CDK5RAP1: variants seen among roughly 807,000 people sequenced by gnomAD.
CDK5RAP1 encodes the protein mitochondrial tRNA methylthiotransferase CDK5RAP1.
In CDK5RAP1, 62 loss-of-function variants were observed where a neutral mutation model predicts 64.5. That is an observed-to-expected ratio of 0.96 (90% CI 0.78 to 1.19). CDK5RAP1 has a LOEUF of 1.19. Ranked by LOEUF, CDK5RAP1 falls within the 50% of genes most tolerant of loss-of-function variation. The pLI is 0.00. For missense variants in CDK5RAP1, 657 were observed against 735.0 expected (o/e 0.89, Z 1.23); for synonymous variants, 250 against 261.9 (o/e 0.95, Z 0.44).
chr20:33,397,217 C>A, intron 1 of CDK5RAP1, 133 bp from the exon 2 acceptor site: 1 of 605,596 alleles, frequency 1.7e-6, no homozygotes, highest in Admixed American at 3.6e-5. Context: ...AATAATATGA[C>A]CTCTGTTTTA....
intron 11 of CDK5RAP1, among the ~76,000 whole-genome samples, chr20:33,370,081 A>G (rs1984724256): frequency 6.6e-6 from 1 of 152,168 alleles, no homozygotes; most frequent in Admixed American, 6.5e-5. Context: ...AAGTGAGTTC[A>G]CTTGCCTAGG....
chr20:33,390,679 G>T (rs749349879), intron 5 of CDK5RAP1, among the ~76,000 whole-genome samples: 1 of 151,982 alleles, frequency 6.6e-6, no homozygotes, highest in African/African-American at 2.4e-5. Flanking sequence ...ATTCTTATTA[G>T]ATATACACCC....
chr20:33,361,973 A>AAGG (rs1264803159), intron 12 of CDK5RAP1, among the ~76,000 whole-genome samples: 17 of 149,160 alleles, frequency 1.1e-4, no homozygotes, highest in African/African-American at 4.1e-4. Context: ...AAAAAAAAAA[A>AAGG]AAGGAAGGAA....
chr20:33,373,704 A>C (rs1225022870), intron 9 of CDK5RAP1: 1 of 163,466 alleles, frequency 6.1e-6, no homozygotes, highest in East Asian at 1.8e-4. Flanking sequence ...AACATTAAAA[A>C]ATTAAAATCT....
At chr20:33,388,752 G>A (rs985212278) in intron 5 of CDK5RAP1, among the ~76,000 whole-genome samples, 1 of 151,998 alleles carries the variant, frequency 6.6e-6, no homozygotes, top group African/African-American at 2.4e-5. Flanking sequence ...AACCTGCCGA[G>A]TGCCTGCGAT....
chr20:33,364,682 CT>C (rs1195344656), intron 12 of CDK5RAP1, among the ~76,000 whole-genome samples: 11 of 152,010 alleles, frequency 7.2e-5, no homozygotes, highest in Non-Finnish European at 2.9e-5. Flanking sequence ...TCAAGCCATT[CT>C]CTTGCCTCAG....
At position 33,379,711 on chromosome 20, in the gene CDK5RAP1, T is replaced by C. The variant is rs747644986; in HGVS notation, c.877-20A>G. ...CAGCCCCTAAACATGGGAAAATATA[T>C]TGGAATTTTAAAACTTTTGGGTAGC... On this transcript the variant is annotated intron_variant, in intron 7 of 13. Transcript: ENST00000346416. The C allele has an allele frequency of 1.3e-6, 2 of 1,566,130 alleles. No individual in the cohort carries two copies. Among genetic ancestry groups the C allele is most frequent in the African/African-American group, 2.7e-5 (2 of 73,628 alleles).
chr20:33,397,979 G>A (rs1385963271), intron 1 of CDK5RAP1, among the ~76,000 whole-genome samples: 1 of 151,606 alleles, frequency 6.6e-6, no homozygotes, highest in Non-Finnish European at 1.5e-5. Flanking sequence ...ACAACAGAGC[G>A]AAACTCCATC....
intron 12 of CDK5RAP1, among the ~76,000 whole-genome samples, chr20:33,363,518 G>T (rs144979610): frequency 0.021 from 3,266 of 152,224 alleles, 229 homozygotes; most frequent in Admixed American, 0.14. Context: ...ACTCTGAAAT[G>T]ATTCAAGGGG....
intron 1 of CDK5RAP1, among the ~76,000 whole-genome samples, chr20:33,399,011 A>G (rs1429267633): frequency 3.3e-5 from 5 of 152,150 alleles, no homozygotes; most frequent in Admixed American, 6.6e-5. Context: ...CCTACATTAT[A>G]CTACTGTTGA....
intron 8 of CDK5RAP1, among the ~76,000 whole-genome samples, chr20:33,375,415 A>AG (rs988456769): frequency 5.4e-5 from 8 of 149,184 alleles, no homozygotes; most frequent in African/African-American, 2.0e-4. Context: ...AAAAAAAAAA[A>AG]AAGAAAAAGA....
intron 7 of CDK5RAP1, among the ~76,000 whole-genome samples, chr20:33,382,380 T>C (rs1986863987): frequency 6.6e-6 from 1 of 152,296 alleles, no homozygotes; most frequent in East Asian, 1.9e-4. Flanking sequence ...GAAGAACTAA[T>C]GGTATTAAAA....
At chr20:33,397,314 C>G (rs769735975) in intron 1 of CDK5RAP1, among the ~76,000 whole-genome samples, 2 of 152,186 alleles carry the variant, frequency 1.3e-5, no homozygotes, top group Non-Finnish European at 2.9e-5. Flanking sequence ...CTTTTCAAAA[C>G]AAGGGGTGGT....
rs750487441 is a variant in CDK5RAP1 at position 33,366,879 on chromosome 20, G to C, written c.1522C>G (p.Gln508Glu). The part of the protein sequence containing the change: ...KANQTSVGCT[Q>E]LVLVEGLSKR... ...CTCACCCCTTCCACTAGCACCAACT[G>C]GGTACAGCCCACAGAGGTCTGATTG... is the stretch of plus-strand genomic sequence containing the variant. Residue 508 changes from glutamine to glutamate, a missense_variant, in exon 12 of 14, where the codon CAG becomes GAG. Gln to Glu is a conservative substitution (Grantham distance 29, BLOSUM62 2). Coordinates refer to ENST00000346416, the MANE Select transcript of CDK5RAP1 (RefSeq NM_016408.4). 5 of 1,613,746 alleles carry C rather than the reference G, an allele frequency of 3.1e-6. No individual in the cohort carries two copies. Among genetic ancestry groups the C allele is most frequent in the Non-Finnish European group, 4.2e-6 (5 of 1,179,888 alleles).
At chr20:33,387,285 G>T in intron 6 of CDK5RAP1, 38 bp downstream of exon 6, 39 of 1,393,554 alleles carry the variant, frequency 2.8e-5, no homozygotes, top group Non-Finnish European at 3.5e-5. Flanking sequence ...GTGAAAGGAG[G>T]AAGAGGCTTA....
chr20:33,387,556 C>T (rs1326497572), intron 5 of CDK5RAP1, 23 bp from the exon 6 acceptor site: 62 of 1,587,194 alleles, frequency 3.9e-5, no homozygotes, highest in Non-Finnish European at 5.4e-5. Flanking sequence ...AAGAAACAAG[C>T]ACCTTTCCCC....
At position 33,392,066 on chromosome 20, in the gene CDK5RAP1, T is replaced by G; in HGVS notation, c.544+76A>C. 3.3e-6 allele frequency: 3 copies of G among 899,484 alleles called. No homozygotes were observed. The South Asian group carries it at 4.4e-5, about 13-fold the overall frequency. The allele number at this position is 899,484 out of a possible 1,614,324, so 55.7% of individuals were successfully genotyped here. A position where few individuals can be genotyped will look rare whatever the true frequency, so the allele number is the denominator to read the frequency against. On this transcript the variant is annotated intron_variant, in intron 5 of 13. Coordinates refer to ENST00000346416, the MANE Select transcript of CDK5RAP1 (RefSeq NM_016408.4). ...CTTCAGACACTGGGAATCCAGCCTC[T>G]AAAGGAAACACTAGCAAATAAAGCC...
In CDK5RAP1 at chr20:33,370,699, G is replaced by A. The variant is rs1237330336; in HGVS notation, c.1262-70C>T. The stretch of plus-strand genomic sequence containing the variant: ...CCTTCAAGGGAGGCCTTCAGCATAT[G>A]TGGATTACAAGGGAGGGATAGCAAC... On this transcript the variant is annotated intron_variant, in intron 10 of 13. Coordinates refer to ENST00000346416, the MANE Select transcript of CDK5RAP1 (RefSeq NM_016408.4). The A allele has an allele frequency of 2.6e-6, 4 of 1,549,460 alleles. No homozygotes were observed. In the East Asian group the frequency reaches 9.0e-5, roughly 35 times the overall value.
At chr20:33,378,296 C>T (rs1027341859) in intron 8 of CDK5RAP1, among the ~76,000 whole-genome samples, 14 of 152,184 alleles carry the variant, frequency 9.2e-5, no homozygotes, top group Middle Eastern at 6.8e-3. Flanking sequence ...GGGGAATGGC[C>T]GTCTGTGGAA....
Sources: allele counts gnomAD v4.1 joint callset (sites outside exome capture counted in the v4.1 genomes callset), GRCh38; gene constraint gnomAD v4.1.1; transcripts MANE v1.5; gene names NCBI Gene and HGNC (gene_info 2026-07-23, HGNC 2026-07-21).